The following FGF14 variants were observed in gnomAD, a reference collection of about 807,000 sequenced individuals.
The protein encoded by FGF14 is fibroblast growth factor 14.
FGF14 carries 5 observed loss-of-function variants against 25.5 expected under a neutral mutation model. The ratio of observed to expected loss-of-function variants is 0.20; its 90% CI spans 0.10 to 0.41. The LOEUF is 0.41. Among genes scored for constraint, FGF14 ranks in the 10% least tolerant of loss-of-function variants. The pLI, the probability that FGF14 is intolerant of heterozygous loss-of-function variation, is 1.00. For missense variants in FGF14, 222 were observed against 320.1 expected (o/e 0.69, Z 2.34); for synonymous variants, 138 against 118.3 (o/e 1.17, Z -1.08).
intron 3 of FGF14, among the ~76,000 whole-genome samples, chr13:101,810,216 G>A (rs1219276516): frequency 6.6e-6 from 1 of 152,160 alleles, no homozygotes; most frequent in African/African-American, 2.4e-5. Context: ...TGTTGAGCAA[G>A]TTTTAGCCCT....
At chr13:102,103,918 A>C (rs183243662) in intron 1 of FGF14, among the ~76,000 whole-genome samples, 48 of 152,270 alleles carry the variant, frequency 3.2e-4, no homozygotes, top group Middle Eastern at 3.4e-3. Context: ...TTAGTTGCAG[A>C]GGCTGAGGCT....
chr13:101,837,236 A>T (rs1245218662), intron 3 of FGF14, among the ~76,000 whole-genome samples: 1 of 151,634 alleles, frequency 6.6e-6, no homozygotes, highest in African/African-American at 2.4e-5. Flanking sequence ...GTTTTGTTAG[A>T]ATGGCTATCT....
intron 3 of FGF14, among the ~76,000 whole-genome samples, chr13:101,844,178 C>A (rs569556213): frequency 3.0e-4 from 45 of 152,064 alleles, no homozygotes; most frequent in African/African-American, 1.1e-3. Context: ...GTCTTAAAAT[C>A]ATGAAAAATA....
rs549508403 is a variant in FGF14 at position 101,768,953 on chromosome 13, A to G, written c.409-42143T>C. Reference sequence around the variant, plus strand: ...ACCAAAGGCATGATTCAGGGAAGAAATAATTAATAAACTGGACTTCACTAA... The same window carrying G: ...ACCAAAGGCATGATTCAGGGAAGAAGTAATTAATAAACTGGACTTCACTAA... On this transcript the variant is annotated intron_variant, in intron 3 of 4. Transcript: ENST00000376143. 3.0e-4 allele frequency among the ~76,000 whole-genome samples: 46 copies of G among 152,316 alleles called. 1 individual carries two copies. Among genetic ancestry groups the G allele is most frequent in the Middle Eastern group, 6.8e-3 (2 of 292 alleles).
intron 3 of FGF14, among the ~76,000 whole-genome samples, chr13:101,828,580 A>T (rs1253831928): frequency 6.6e-6 from 1 of 151,830 alleles, no homozygotes; most frequent in Non-Finnish European, 1.5e-5. Context: ...CTGAAAAGGC[A>T]TCCTGTATTC....
At chr13:101,964,761 T>C (rs1356971599) in intron 1 of FGF14, among the ~76,000 whole-genome samples, 1 of 152,104 alleles carries the variant, frequency 6.6e-6, no homozygotes, top group Non-Finnish European at 1.5e-5. Context: ...ACTTTCATTT[T>C]TTTTCTTTCT....
At chr13:102,282,144 G>T (rs577168574) in intron 1 of FGF14, among the ~76,000 whole-genome samples, 2 of 148,812 alleles carry the variant, frequency 1.3e-5, no homozygotes, top group Admixed American at 6.8e-5. Context: ...TCGGCTCACC[G>T]CAACCTCTGC....
chr13:102,352,672 G>C (rs1008721911), intron 1 of FGF14, among the ~76,000 whole-genome samples: 2 of 151,956 alleles, frequency 1.3e-5, no homozygotes, highest in Non-Finnish European at 2.9e-5. Flanking sequence ...ATTAGCCGGG[G>C]GCGGTGGTGG....
In FGF14 at chr13:101,965,693, G is replaced by A. The variant is rs1268065040; in HGVS notation, c.209-90397C>T. On this transcript the variant is annotated intron_variant, in intron 1 of 4. Transcript: ENST00000376131. ...TGTGTTAGTTTTTTTTTTTTTGTAAGTAACATGAAAGAAAAAACCAAAAAT... is the reference window on the plus strand; with the variant it reads ...TGTGTTAGTTTTTTTTTTTTTGTAAATAACATGAAAGAAAAAACCAAAAAT... Among the ~76,000 whole-genome samples the A allele has an allele frequency of 4.8e-5, 7 of 144,704 alleles. No individual in the cohort carries two copies. The East Asian group carries it at 1.0e-3, about 21-fold the overall frequency. 94.9% of individuals were successfully genotyped at this position (144,704 alleles called of 152,430 possible).
chr13:102,395,364 G>A (rs1160202437), intron 1 of FGF14: 1 of 152,214 alleles, frequency 6.6e-6, no homozygotes, highest in Non-Finnish European at 1.5e-5. Flanking sequence ...ATGCCAGATG[G>A]GGAGAACGCC....
intron 1 of FGF14, chr13:102,394,464 G>A (rs954323522): frequency 1.3e-5 from 2 of 152,416 alleles, no homozygotes; most frequent in Admixed American, 1.3e-4. Flanking sequence ...GCCCCGACCC[G>A]CGCCCCAAGT....
chr13:101,865,186 GT>G (rs1314528009), intron 3 of FGF14, among the ~76,000 whole-genome samples: 25 of 151,972 alleles, frequency 1.6e-4, no homozygotes, highest in Non-Finnish European at 2.9e-5. Context: ...TTCATTACCA[GT>G]TTTTCCTTAT....
At chr13:101,948,322 A>T (rs1566479683) in intron 1 of FGF14, among the ~76,000 whole-genome samples, 1 of 152,152 alleles carries the variant, frequency 6.6e-6, no homozygotes, top group Non-Finnish European at 1.5e-5. Context: ...TTATGTTGTT[A>T]AAGAATTCTA....
intron 3 of FGF14, among the ~76,000 whole-genome samples, chr13:101,860,615 T>G (rs991000254): frequency 6.6e-6 from 1 of 152,012 alleles, no homozygotes; most frequent in Non-Finnish European, 1.5e-5. Flanking sequence ...CTCACTCTGT[T>G]GCCCAGGCTG....
intron 3 of FGF14, among the ~76,000 whole-genome samples, chr13:101,797,588 AG>A: frequency 6.6e-6 from 1 of 152,202 alleles, no homozygotes; most frequent in African/African-American, 2.4e-5. Context: ...AGGCTGACCA[AG>A]CTTTGATTTC....
intron 1 of FGF14, among the ~76,000 whole-genome samples, chr13:102,263,427 C>T (rs944319404): frequency 6.6e-6 from 1 of 152,116 alleles, no homozygotes; most frequent in Non-Finnish European, 1.5e-5. Context: ...CATAATACCA[C>T]ATTTTCTTCT....
intron 1 of FGF14, among the ~76,000 whole-genome samples, chr13:102,375,733 C>T (rs1295667398): frequency 1.3e-5 from 2 of 152,094 alleles, no homozygotes; most frequent in South Asian, 2.1e-4. Flanking sequence ...CTCAAGAGAA[C>T]CCAAACCCAA....
At chr13:102,043,213 C>A (rs2041825410) in intron 1 of FGF14, among the ~76,000 whole-genome samples, 1 of 152,160 alleles carries the variant, frequency 6.6e-6, no homozygotes, top group African/African-American at 2.4e-5. Context: ...GATATTGACT[C>A]CTTTATTAAA....
intron 1 of FGF14, among the ~76,000 whole-genome samples, chr13:102,192,304 A>C (rs1363774368): frequency 6.6e-6 from 1 of 152,294 alleles, no homozygotes; most frequent in Non-Finnish European, 1.5e-5. Context: ...CTGACCCCTT[A>C]GTTCAAATTG....
Sources: gnomAD v4.1 joint callset for allele counts (sites outside exome capture counted in the v4.1 genomes callset) on GRCh38, gnomAD v4.1.1 for gene constraint, MANE v1.5 for transcripts, NCBI Gene and HGNC (gene_info 2026-07-23, HGNC 2026-07-21) for gene names.